Variants in PBX4 observed in about 807,000 individuals in gnomAD.
PBX4 encodes the protein PBX homeobox 4.
A neutral mutation model predicts 35.1 loss-of-function variants in PBX4; 26 were observed. The observed-to-expected ratio is 0.74, with a 90% CI of 0.54 to 1.03. PBX4 has a LOEUF of 1.03. PBX4 is among the 50% of genes least tolerant of loss of function. The pLI is 0.00. For missense variants in PBX4, 448 were observed against 504.3 expected (o/e 0.89, Z 1.07); for synonymous variants, 199 against 204.2 (o/e 0.97, Z 0.22).
At chr19:19,574,619 C>T (rs768011843) in intron 2 of PBX4, among the ~76,000 whole-genome samples, 5 of 151,702 alleles carry the variant, frequency 3.3e-5, no homozygotes, top group Non-Finnish European at 5.9e-5. Flanking sequence ...GTTTGGTGGC[C>T]CAATTTTCCT....
chr19:19,617,672 G>T (rs2061695322), intron 1 of PBX4, among the ~76,000 whole-genome samples: 1 of 152,014 alleles, frequency 6.6e-6, no homozygotes, highest in South Asian at 2.1e-4. Context: ...TCCAGTTATT[G>T]TAAGGATTCA....
chr19:19,609,907 G>C (rs1419996575), intron 1 of PBX4, among the ~76,000 whole-genome samples: 2 of 152,108 alleles, frequency 1.3e-5, no homozygotes, highest in African/African-American at 2.4e-5. Context: ...ACTTCCTAGG[G>C]TTCTGGGGAG....
At chr19:19,564,842 G>T in intron 6 of PBX4, 91 bp downstream of exon 6, 1 of 1,476,330 alleles carries the variant, frequency 6.8e-7, no homozygotes, top group Non-Finnish European at 9.4e-7. Context: ...CTGGGGGAAG[G>T]GAGATGTGGT....
chr19:19,582,567 C>A (rs762862016), intron 2 of PBX4, among the ~76,000 whole-genome samples: 3 of 152,172 alleles, frequency 2.0e-5, no homozygotes, highest in Non-Finnish European at 4.4e-5. Flanking sequence ...CCCCATCCAT[C>A]TGCTGAGAGC....
rs1199872774 is a variant in PBX4, at chr19:19,562,028, A to G, written c.1122T>C (p.Asn374=). The G allele has an allele frequency of 6.2e-7, 1 of 1,611,464 alleles. No homozygotes were observed. Among genetic ancestry groups the G allele is most frequent in the Non-Finnish European group, 8.5e-7 (1 of 1,178,596 alleles). ...CTTTCCTGCTTATCCCCCAAACTTAATTAGATGTACTGGAGTTGATGCTGC... is the reference window on the plus strand; with the variant it reads ...CTTTCCTGCTTATCCCCCAAACTTAGTTAGATGTACTGGAGTTGATGCTGC... ...DPGSINSSTS[N] Residue 374 remains asparagine, a synonymous_variant, in exon 8 of 8, where the codon AAT becomes AAC. Coordinates refer to ENST00000251203, the MANE Select transcript of PBX4 (RefSeq NM_025245.3). This position sits in a 1 kb window ranked among gnomAD's most constrained non-coding sequence, Gnocchi z 4.8.
At chr19:19,593,426 AT>A (rs1009269701) in intron 2 of PBX4, among the ~76,000 whole-genome samples, 49 of 152,198 alleles carry the variant, frequency 3.2e-4, no homozygotes, top group African/African-American at 1.1e-3. Context: ...AGACTTGGCC[AT>A]TCCTAGTCAC....
At position 19,601,031 on chromosome 19, in the gene PBX4, A is replaced by G. The variant is rs1163540674; in HGVS notation, c.120-1666T>C. ...CTGGCATCAGAGACACAGACAGGTA[A>G]GGTTTTTACACATGTGGCAGTTAAG... is the stretch of plus-strand genomic sequence containing the variant. On this transcript the variant is annotated intron_variant, in intron 1 of 7. Coordinates refer to ENST00000251203, the MANE Select transcript of PBX4 (RefSeq NM_025245.3). Among the ~76,000 whole-genome samples, 2 of 152,162 alleles carry G rather than the reference A, an allele frequency of 1.3e-5. 1 individual carries two copies. The highest frequency in any genetic ancestry group is 6.3e-3 in the Middle Eastern group (2 of 316).
intron 5 of PBX4, 69 bp downstream of exon 5, chr19:19,569,380 G>A: frequency 6.5e-7 from 1 of 1,534,736 alleles, no homozygotes; most frequent in Non-Finnish European, 8.8e-7. Context: ...AACTTCCCTG[G>A]GTGTCCTCAT....
At chr19:19,609,779 G>A (rs947110133) in intron 1 of PBX4, among the ~76,000 whole-genome samples, 4 of 151,504 alleles carry the variant, frequency 2.6e-5, no homozygotes, top group East Asian at 2.0e-4. Flanking sequence ...TGAACCCGGG[G>A]GGCGGAGCTT....
At chr19:19,564,576 T>A (rs537001183) in intron 6 of PBX4, among the ~76,000 whole-genome samples, 27 of 152,280 alleles carry the variant, frequency 1.8e-4, no homozygotes, top group Admixed American at 7.8e-4. Flanking sequence ...TTTTTTTGTA[T>A]TTTCAGTAGA....
chr19:19,589,364 G>A (rs920762295), intron 2 of PBX4, among the ~76,000 whole-genome samples: 5 of 151,930 alleles, frequency 3.3e-5, no homozygotes, highest in Admixed American at 2.0e-4. Context: ...AACCCAGGAG[G>A]TGGAGCTTGC....
chr19:19,582,840 G>C (rs1354591812), intron 2 of PBX4, among the ~76,000 whole-genome samples: 1 of 152,234 alleles, frequency 6.6e-6, no homozygotes, highest in Non-Finnish European at 1.5e-5. Flanking sequence ...CTGTGGGGTT[G>C]GAGACCACGT....
At chr19:19,579,191 A>G (rs886806981) in intron 2 of PBX4, among the ~76,000 whole-genome samples, 47 of 152,142 alleles carry the variant, frequency 3.1e-4, no homozygotes, top group African/African-American at 1.0e-3. Context: ...TCTACTAAAA[A>G]TACAAAAATT....
At chr19:19,598,547 C>T (rs1286591403) in intron 2 of PBX4, among the ~76,000 whole-genome samples, 5 of 152,090 alleles carry the variant, frequency 3.3e-5, no homozygotes, top group Non-Finnish European at 7.4e-5. Context: ...CCACCTGCCT[C>T]GGCCTCCCAA....
At chr19:19,609,606 T>G (rs1045689169) in intron 1 of PBX4, among the ~76,000 whole-genome samples, 10 of 148,706 alleles carry the variant, frequency 6.7e-5, no homozygotes, top group African/African-American at 2.5e-4. Flanking sequence ...ATCCCAGCAC[T>G]TTGGCAGGCC....
intron 2 of PBX4, among the ~76,000 whole-genome samples, chr19:19,575,161 C>T (rs2061411533): frequency 1.3e-5 from 2 of 148,804 alleles, no homozygotes; most frequent in Admixed American, 6.8e-5. Context: ...GGCGTGCACC[C>T]GGGAGGTGGA....
intron 1 of PBX4, among the ~76,000 whole-genome samples, chr19:19,603,995 TAGC>T (rs892929940): frequency 6.6e-6 from 1 of 151,304 alleles, no homozygotes; most frequent in Non-Finnish European, 1.5e-5. Context: ...TATGTGCATG[TAGC>T]AGAACTTCTG....
intron 2 of PBX4, among the ~76,000 whole-genome samples, chr19:19,592,003 G>A (rs2061531357): frequency 6.6e-6 from 1 of 152,130 alleles, no homozygotes; most frequent in Non-Finnish European, 1.5e-5. Context: ...TAGGATTATA[G>A]GCACCCGCCA....
At position 19,599,319 on chromosome 19, in the gene PBX4, C is replaced by T. The variant is rs763032974; in HGVS notation, c.166G>A (p.Val56Met). 8 of 1,613,184 alleles carry T rather than the reference C, an allele frequency of 5.0e-6. No homozygotes were observed. Among genetic ancestry groups the T allele is most frequent in the Middle Eastern group, 1.7e-4 (1 of 6,044 alleles). Residue 56 changes from valine to methionine, a missense_variant, in exon 2 of 8, where the codon GTG becomes ATG. Physicochemically the swap from Val to Met is conservative, Grantham distance 21 (BLOSUM62 1). Coordinates refer to ENST00000251203, the MANE Select transcript of PBX4 (RefSeq NM_025245.3). ...GTCTTTTCCTTGATCTCACAGAGCA[C>T]GCTGAACAGAGCAGGCTTCATCCGA... Reference protein sequence around the residue: ...CHRMKPALFSVLCEIKEKTVV... With the variant: ...CHRMKPALFSMLCEIKEKTVV...
Sources: allele counts gnomAD v4.1 joint callset (sites outside exome capture counted in the v4.1 genomes callset), GRCh38; gene constraint gnomAD v4.1.1; non-coding constraint Gnocchi (gnomAD v3.1); transcripts MANE v1.5; gene names NCBI Gene and HGNC (gene_info 2026-07-23, HGNC 2026-07-21).